Variants in TPD52L1 observed in about 807,000 individuals in gnomAD.
TPD52L1 encodes tumor protein D53.
Under a neutral mutation model 28.7 loss-of-function variants are expected in TPD52L1, and 18 were observed. That is an observed-to-expected ratio of 0.63 (90% CI 0.43 to 0.93). The LOEUF is 0.93. Among genes scored for constraint, TPD52L1 ranks in the 40% least tolerant of loss-of-function variants. The probability of loss-of-function intolerance (pLI) is 0.00; values close to 1 mark genes in which losing one functional copy is unlikely to be tolerated. For synonymous variants in TPD52L1, 75 were observed against 88.8 expected, an observed-to-expected ratio of 0.84 and a Z score of 0.88; for missense variants, 203 against 254.8, an observed-to-expected ratio of 0.80 and a Z score of 1.39.
chr6:125,241,449 T>C (rs1426230923), intron 3 of TPD52L1, among the ~76,000 whole-genome samples: 1 of 152,076 alleles, frequency 6.6e-6, no homozygotes, highest in Non-Finnish European at 1.5e-5. Flanking sequence ...TATATGGCCC[T>C]GGACTTTTTT....
chr6:125,205,897 G>A (rs538232267), intron 1 of TPD52L1, among the ~76,000 whole-genome samples: 160 of 152,238 alleles, frequency 1.1e-3, no homozygotes, highest in Admixed American at 2.7e-3. Flanking sequence ...TCCATTTTTA[G>A]CCCAAGTTAG....
chr6:125,207,640 A>G (rs1331063542), intron 1 of TPD52L1, among the ~76,000 whole-genome samples: 2 of 152,216 alleles, frequency 1.3e-5, no homozygotes, highest in Non-Finnish European at 2.9e-5. Context: ...AGATTCCCTG[A>G]GCTCAAGTTT....
chr6:125,252,210 T>A, intron 4 of TPD52L1: 1 of 622,418 alleles, frequency 1.6e-6, no homozygotes, highest in East Asian at 2.9e-5. Flanking sequence ...ACATTTGAAC[T>A]TATTGAAGTA....
intron 3 of TPD52L1, 59 bp from the exon 4 acceptor site, chr6:125,248,223 G>C: frequency 1.5e-6 from 2 of 1,345,970 alleles, no homozygotes; most frequent in Non-Finnish European, 2.1e-6. Context: ...TGAGAAGGAA[G>C]ATGAATTGTT....
intron 1 of TPD52L1, among the ~76,000 whole-genome samples, chr6:125,203,396 G>T (rs1466438153): frequency 6.6e-6 from 1 of 151,872 alleles, no homozygotes; most frequent in East Asian, 1.9e-4. Flanking sequence ...TTTCTTGCTT[G>T]CAGTGTTACC....
intron 2 of TPD52L1, 128 bp downstream of exon 2, chr6:125,220,321 A>C (rs1795153226): frequency 1.6e-6 from 1 of 630,220 alleles, no homozygotes; most frequent in Non-Finnish European, 2.7e-6. Flanking sequence ...AAATTTATAA[A>C]TGAATACATT....
intron 1 of TPD52L1, among the ~76,000 whole-genome samples, chr6:125,211,275 CTATCTAT>C (rs1794481892): frequency 1.4e-5 from 2 of 147,680 alleles, no homozygotes; most frequent in African/African-American, 5.2e-5. Context: ...ATCTATCTAT[CTATCTAT>C]CTATCTATCT....
At chr6:125,201,760 C>A (rs1039453060) in intron 1 of TPD52L1, among the ~76,000 whole-genome samples, 2 of 152,192 alleles carry the variant, frequency 1.3e-5, no homozygotes. Flanking sequence ...ATTGCATTTT[C>A]TTGTCTGTGA....
intron 1 of TPD52L1, among the ~76,000 whole-genome samples, chr6:125,218,245 A>G (rs374145287): frequency 4.6e-4 from 70 of 152,306 alleles, no homozygotes; most frequent in African/African-American, 1.7e-3. Flanking sequence ...TTGCACAGTC[A>G]CCAACATTTA....
intron 1 of TPD52L1, among the ~76,000 whole-genome samples, chr6:125,154,869 G>GC (rs1320457745): frequency 1.3e-5 from 2 of 151,948 alleles, no homozygotes; most frequent in African/African-American, 4.8e-5. Flanking sequence ...GGCAATCAAA[G>GC]CCACCATTCT....
In TPD52L1 at chr6:125,257,103, C is replaced by G; in HGVS notation, c.431C>G (p.Ser144Cys). Residue 144 changes from serine (S) to cysteine (C), a missense_variant, in exon 6 of 7, where the codon TCT (serine) becomes TGT (cysteine). Ser to Cys is a moderately radical substitution (Grantham distance 112). Transcript: ENST00000534000. ...HSISMPAMRN[S>C]PTFKSFEERV... ...CTCTCTTTTTGTTATTTTAGGAATT[C>G]TCCTACTTTCAAATCATTTGAGGAG... 1 of 1,611,148 alleles carries G rather than the reference C, an allele frequency of 6.2e-7. No homozygotes were observed. Among genetic ancestry groups the G allele is most frequent in the Non-Finnish European group, 8.5e-7 (1 of 1,177,980 alleles).
At chr6:125,260,836 GGA>G (rs1797871310) in intron 6 of TPD52L1, among the ~76,000 whole-genome samples, 2 of 113,862 alleles carry the variant, frequency 1.8e-5, no homozygotes, top group South Asian at 3.5e-4. Context: ...AAGGAAGAAA[GGA>G]AGAGAAAGAA....
chr6:125,244,663 G>A (rs1562368267), intron 3 of TPD52L1, among the ~76,000 whole-genome samples: 1 of 152,206 alleles, frequency 6.6e-6, no homozygotes, highest in Admixed American at 6.5e-5. Flanking sequence ...TTCCAGAAAG[G>A]CTGTCTATAG....
chr6:125,166,501 T>C (rs1790911599), intron 1 of TPD52L1, among the ~76,000 whole-genome samples: 11 of 152,126 alleles, frequency 7.2e-5, no homozygotes, highest in Admixed American at 7.2e-4. Context: ...TTTAAAATGA[T>C]TGGAAGGCTC....
chr6:125,260,973 AAAGAAAAGAAAAGAAAG>A (rs1797942672), intron 6 of TPD52L1: 3 of 44,514 alleles, frequency 6.7e-5, no homozygotes, highest in Non-Finnish European at 1.1e-4. Flanking sequence ...AGAAAGAAAG[AAAGAAAAGAAAAGAAAG>A]AAAGAAAGAA....
chr6:125,239,687 G>A (rs1476801119), intron 3 of TPD52L1, among the ~76,000 whole-genome samples: 1 of 151,992 alleles, frequency 6.6e-6, no homozygotes, highest in Non-Finnish European at 1.5e-5. Context: ...GGGTTGTTTT[G>A]TTCTTGCTGA....
At chr6:125,185,894 A>ATTT (rs536833440) in intron 1 of TPD52L1, among the ~76,000 whole-genome samples, 1,501 of 130,430 alleles carry the variant, frequency 0.012, 56 homozygotes, top group East Asian at 0.048. Flanking sequence ...TGGAAATTTG[A>ATTT]TTTTTTTTTT....
intron 1 of TPD52L1, among the ~76,000 whole-genome samples, chr6:125,179,237 T>C (rs1792029013): frequency 6.6e-6 from 1 of 152,232 alleles, no homozygotes; most frequent in Admixed American, 6.5e-5. Flanking sequence ...AGAGGACAAA[T>C]ACTATTATGT....
chr6:125,193,016 T>C (rs1793162782), intron 1 of TPD52L1, among the ~76,000 whole-genome samples: 1 of 152,270 alleles, frequency 6.6e-6, no homozygotes, highest in Admixed American at 6.5e-5. Context: ...TTATACAATT[T>C]AGTCTCATTT....
Sources: gnomAD v4.1 joint callset for allele counts (sites outside exome capture counted in the v4.1 genomes callset) on GRCh38, gnomAD v4.1.1 for gene constraint, MANE v1.5 for transcripts, NCBI Gene and HGNC (gene_info 2026-07-23, HGNC 2026-07-21) for gene names.